Variants in HIGD1C observed in about 807,000 individuals in gnomAD.
HIGD1C encodes HIG1 domain family member 1C.
Under a neutral mutation model 13.1 loss-of-function variants are expected in HIGD1C, and 11 were observed. That is an observed-to-expected ratio of 0.84 (90% CI 0.53 to 1.39). The LOEUF (loss-of-function observed/expected upper bound fraction) is 1.39. Ranked by LOEUF, HIGD1C falls within the 40% of genes most tolerant of loss-of-function variation. HIGD1C has a pLI of 0.00. For synonymous variants in HIGD1C, 36 were observed against 37.7 expected, an observed-to-expected ratio of 0.95 and a Z score of 0.17; for missense variants, 110 against 112.0, an observed-to-expected ratio of 0.98 and a Z score of 0.08.
At chr12:50,951,938 G>GA (rs78915543), upstream of HIGD1C, among the ~76,000 whole-genome samples, 9 of 121,866 alleles carry the variant, frequency 7.4e-5, no homozygotes, top group East Asian at 6.0e-4. Context: ...AAAAAAAAAA[G>GA]AAAAAAAAAT....
the HIGD1C span, among the ~76,000 whole-genome samples, chr12:50,933,513 G>A: frequency 1.3e-5 from 2 of 152,252 alleles, no homozygotes; most frequent in African/African-American, 4.8e-5. Flanking sequence ...ACAGGGCTCA[G>A]ATAATGTTAT....
the HIGD1C span, among the ~76,000 whole-genome samples, chr12:50,948,463 A>C: frequency 1.3e-5 from 2 of 152,180 alleles, no homozygotes; most frequent in Non-Finnish European, 2.9e-5. Flanking sequence ...GGGAATGCCA[A>C]TATATTAAAA....
the HIGD1C span, among the ~76,000 whole-genome samples, chr12:50,945,340 G>A: frequency 2.0e-5 from 3 of 152,264 alleles, no homozygotes; most frequent in East Asian, 1.9e-4. Context: ...AAATCCCATC[G>A]TCTCAGTCCA....
chr12:50,970,992 A>G (rs1026961444), downstream of HIGD1C, among the ~76,000 whole-genome samples: 1 of 151,710 alleles, frequency 6.6e-6, no homozygotes, highest in African/African-American at 2.4e-5. Context: ...GATTCTCCTG[A>G]CTCAGCCTCC....
chr12:50,946,216 C>T, the HIGD1C span, among the ~76,000 whole-genome samples: 1 of 152,102 alleles, frequency 6.6e-6, no homozygotes, highest in South Asian at 2.1e-4. Flanking sequence ...CAACAAAAGC[C>T]AAAATTGACA....
upstream of HIGD1C, among the ~76,000 whole-genome samples, chr12:50,952,605 C>T (rs796408875): frequency 2.5e-4 from 38 of 152,302 alleles, no homozygotes; most frequent in African/African-American, 8.9e-4. Flanking sequence ...TCAGGTCTCA[C>T]ACACAGGCGC....
intron 1 of HIGD1C, among the ~76,000 whole-genome samples, chr12:50,959,814 A>AT (rs1309535507): frequency 6.6e-6 from 1 of 151,512 alleles, no homozygotes; most frequent in African/African-American, 2.4e-5. Flanking sequence ...CGCCCGGCTA[A>AT]TTTTTTTGTA....
intron 2 of HIGD1C, among the ~76,000 whole-genome samples, chr12:50,962,748 G>A (rs1443510426): frequency 6.6e-6 from 1 of 151,956 alleles, no homozygotes; most frequent in African/African-American, 2.4e-5. Flanking sequence ...ACAAGGGAGT[G>A]GTATTTAACT....
At chr12:50,942,457 C>T in the HIGD1C span, among the ~76,000 whole-genome samples, 1 of 152,202 alleles carries the variant, frequency 6.6e-6, no homozygotes, top group South Asian at 2.1e-4. Flanking sequence ...AGTCTGACCC[C>T]TTCCAATCTA....
At chr12:50,952,738 G>A (rs537907692), upstream of HIGD1C, among the ~76,000 whole-genome samples, 213 of 152,292 alleles carry the variant, frequency 1.4e-3, no homozygotes, top group Non-Finnish European at 2.1e-3. Flanking sequence ...GGCTCTCATC[G>A]CCTCAGCCGG....
At chr12:50,932,943 CTCACTATTGG>C in the HIGD1C span, among the ~76,000 whole-genome samples, 1 of 152,186 alleles carries the variant, frequency 6.6e-6, no homozygotes, top group Non-Finnish European at 1.5e-5. Context: ...ATCCAACCAT[CTCACTATTGG>C]TCAGTCTAGT....
upstream of HIGD1C, among the ~76,000 whole-genome samples, chr12:50,952,809 G>C (rs1359015919): frequency 6.6e-6 from 1 of 152,190 alleles, no homozygotes; most frequent in Non-Finnish European, 1.5e-5. Context: ...AGGATGGCAA[G>C]AATCCTGGCC....
intron 1 of HIGD1C, among the ~76,000 whole-genome samples, chr12:50,958,407 G>A (rs951857887): frequency 2.0e-5 from 3 of 149,298 alleles, no homozygotes; most frequent in East Asian, 2.0e-4. Flanking sequence ...TCAGCCTCCC[G>A]AGTAGCTGGG....
In HIGD1C at chr12:50,961,120, T is replaced by C. The variant is rs745554565; in HGVS notation, c.229+18T>C. On this transcript the variant is annotated intron_variant, in intron 2 of 2. Coordinates refer to ENST00000398455, the Ensembl canonical transcript of HIGD1C. Reference sequence around the variant, plus strand: ...GACTCTAGGTAACCCGCTTAATTTGTATCTTATGTTCAGCTGTCTTTGAGA... The same window carrying C: ...GACTCTAGGTAACCCGCTTAATTTGCATCTTATGTTCAGCTGTCTTTGAGA... 2 of 1,612,942 alleles carry C rather than the reference T, an allele frequency of 1.2e-6. No individual in the cohort carries two copies. The highest frequency in any genetic ancestry group is 2.2e-5 in the East Asian group (1 of 44,884).
At chr12:50,944,718 C>A in the HIGD1C span, among the ~76,000 whole-genome samples, 1 of 152,156 alleles carries the variant, frequency 6.6e-6, no homozygotes, top group African/African-American at 2.4e-5. Context: ...GAAATCCCAT[C>A]TCTACTGAAA....
chr12:50,937,698 T>C, the HIGD1C span, among the ~76,000 whole-genome samples: 2 of 152,168 alleles, frequency 1.3e-5, no homozygotes, highest in East Asian at 3.9e-4. Flanking sequence ...AGAAGAGAGC[T>C]TCACTGAGCC....
chr12:50,942,345 C>G, the HIGD1C span, among the ~76,000 whole-genome samples: 1 of 152,196 alleles, frequency 6.6e-6, no homozygotes, highest in Non-Finnish European at 1.5e-5. Context: ...TCCTAGCTCT[C>G]CCCCTCTCAC....
At chr12:50,963,292 C>G (rs951199696) in intron 2 of HIGD1C, among the ~76,000 whole-genome samples, 1 of 147,938 alleles carries the variant, frequency 6.8e-6, no homozygotes, top group Non-Finnish European at 1.5e-5. Context: ...ATTGCTCGAA[C>G]CTGGGAAGCG....
intron 2 of HIGD1C, among the ~76,000 whole-genome samples, chr12:50,963,440 C>T (rs977586647): frequency 6.7e-6 from 1 of 149,838 alleles, no homozygotes; most frequent in African/African-American, 2.5e-5. Context: ...CCAGAACCTG[C>T]AAAGATGAGC....
Sources: allele counts gnomAD v4.1 joint callset (sites outside exome capture counted in the v4.1 genomes callset), GRCh38; gene constraint gnomAD v4.1.1; transcripts MANE v1.5; gene names NCBI Gene and HGNC (gene_info 2026-07-23, HGNC 2026-07-21).